ABCB5: variants seen among roughly 807,000 people sequenced by gnomAD.
ABCB5 encodes the protein ATP binding cassette subfamily B member 5.
In ABCB5, 155 loss-of-function variants were observed where a neutral mutation model predicts 144.2. The ratio of observed to expected loss-of-function variants is 1.08; its 90% CI spans 0.94 to 1.23. The LOEUF is 1.23. Ranked by LOEUF, ABCB5 falls within the 50% of genes most tolerant of loss-of-function variation. The pLI is 0.00. For missense variants in ABCB5, 1,830 were observed against 1,520.8 expected (o/e 1.20, Z -3.38); for synonymous variants, 610 against 528.6 (o/e 1.15, Z -2.11).
chr7:20,737,225 T>G (rs533130770), intron 23 of ABCB5, among the ~76,000 whole-genome samples: 1 of 151,566 alleles, frequency 6.6e-6, no homozygotes. Context: ...CACCTCAAAG[T>G]CCACACTTCC....
intron 12 of ABCB5, 67 bp from the exon 13 acceptor site, chr7:20,651,353 G>C: frequency 6.7e-7 from 1 of 1,503,290 alleles, no homozygotes; most frequent in Non-Finnish European, 9.2e-7. Context: ...TTTTGGTCTA[G>C]TATGAAAAAC....
At chr7:20,690,246 A>G (rs1786171156) in intron 16 of ABCB5, among the ~76,000 whole-genome samples, 1 of 152,260 alleles carries the variant, frequency 6.6e-6, no homozygotes, top group Admixed American at 6.5e-5. Flanking sequence ...CGGATACCAC[A>G]GAAATTTTAA....
intron 12 of ABCB5, among the ~76,000 whole-genome samples, chr7:20,650,410 A>G (rs1247207472): frequency 6.6e-6 from 1 of 152,220 alleles, no homozygotes; most frequent in Non-Finnish European, 1.5e-5. Flanking sequence ...TAATAATCAG[A>G]GGCAGACAAT....
At chr7:20,711,792 CTT>C (rs1491399667) in intron 20 of ABCB5, among the ~76,000 whole-genome samples, 488 of 36,894 alleles carry the variant, frequency 0.013, 51 homozygotes, top group African/African-American at 0.073. Flanking sequence ...TTCTTTCTTT[CTT>C]TCTTTCTTTC....
intron 16 of ABCB5, among the ~76,000 whole-genome samples, chr7:20,690,443 CA>C (rs1195380675): frequency 1.3e-5 from 2 of 152,162 alleles, no homozygotes; most frequent in African/African-American, 4.8e-5. Context: ...TATATTTACA[CA>C]TTTCTTCAGG....
At chr7:20,666,127 G>T (rs111241327) in intron 14 of ABCB5, among the ~76,000 whole-genome samples, 1,990 of 149,688 alleles carry the variant, frequency 0.013, 36 homozygotes, top group African/African-American at 0.045. Flanking sequence ...CCGAGAGCAC[G>T]CCATTGCACT....
chr7:20,698,303 A>G lies in ABCB5; in HGVS notation c.2011-104A>G, dbSNP rs1332797633. On this transcript the variant is annotated intron_variant, in intron 16 of 27. Transcript: ENST00000404938. ...AATATTTTCTACCCTGCTGTCTGTT[A>G]TGTTTGATGTTATACATTATAATTC... 7.2e-6 allele frequency: 7 copies of G among 965,950 alleles called. No homozygotes were observed. The African/African-American group carries it at 1.2e-4, about 16-fold the overall frequency. The allele number at this position is 965,950 out of a possible 1,614,324, so 59.8% of individuals were successfully genotyped here.
rs1401792232 is a variant in ABCB5, at chr7:20,615,723, G to A, written c.-136G>A. On this transcript the variant is annotated 5_prime_UTR_variant, in exon 1 of 28. Transcript: ENST00000404938. ...AGGCTGGAAATTCTGGCAAAAAATT[G>A]ATACCTTGTATCTGAAAGCTTTATC... is the stretch of plus-strand genomic sequence containing the variant. 1 of 151,966 alleles carries A rather than the reference G, an allele frequency of 6.6e-6. No individual in the cohort carries two copies. The highest frequency in any genetic ancestry group is 6.6e-5 in the Admixed American group (1 of 15,244). 9.4% of individuals were successfully genotyped at this position (151,966 alleles called of 1,614,324 possible). A position where few individuals can be genotyped will look rare whatever the true frequency, so the allele number is the denominator to read the frequency against.
chr7:20,675,911 G>A (rs1002775228), intron 14 of ABCB5, among the ~76,000 whole-genome samples: 5 of 151,980 alleles, frequency 3.3e-5, no homozygotes, highest in African/African-American at 9.7e-5. Flanking sequence ...CAACAAGTAC[G>A]TGAAAAGATT....
At chr7:20,653,588 T>A (rs1322593671) in intron 13 of ABCB5, among the ~76,000 whole-genome samples, 3 of 152,208 alleles carry the variant, frequency 2.0e-5, no homozygotes, top group African/African-American at 7.2e-5. Flanking sequence ...AAAGACTGAT[T>A]CCTAACAGAG....
At chr7:20,633,087 A>C (rs1297706812) in intron 5 of ABCB5, among the ~76,000 whole-genome samples, 2 of 151,932 alleles carry the variant, frequency 1.3e-5, no homozygotes, top group African/African-American at 4.8e-5. Flanking sequence ...AGTAAAAATA[A>C]TAAAATACTT....
chr7:20,624,265 C>G (rs1264076924), intron 2 of ABCB5, among the ~76,000 whole-genome samples: 2 of 152,210 alleles, frequency 1.3e-5, no homozygotes, highest in Non-Finnish European at 2.9e-5. Context: ...CCACAGGAAG[C>G]ATTGTAACTG....
chr7:20,636,883 T>C (rs1363790027), intron 5 of ABCB5, among the ~76,000 whole-genome samples: 3 of 152,094 alleles, frequency 2.0e-5, no homozygotes, highest in Non-Finnish European at 4.4e-5. Flanking sequence ...TTAATATTTT[T>C]GAAATATTTG....
At chr7:20,659,319 A>G in intron 14 of ABCB5, 1 of 1,407,286 alleles carries the variant, frequency 7.1e-7, no homozygotes, top group African/African-American at 1.4e-5. Context: ...ACTCCCTTAT[A>G]AACCAGAGCC....
At chr7:20,701,336 G>C (rs1786620465) in intron 19 of ABCB5, among the ~76,000 whole-genome samples, 1 of 152,068 alleles carries the variant, frequency 6.6e-6, no homozygotes, top group Non-Finnish European at 1.5e-5. Flanking sequence ...GACTATTTCT[G>C]CTCATTTTTG....
intron 1 of ABCB5, among the ~76,000 whole-genome samples, chr7:20,617,101 A>G (rs1342576486): frequency 6.6e-6 from 1 of 152,068 alleles, no homozygotes; most frequent in Non-Finnish European, 1.5e-5. Flanking sequence ...ACCACTCTCT[A>G]ATTTTCCTTA....
At chr7:20,744,478 C>T (rs887009800) in intron 25 of ABCB5, among the ~76,000 whole-genome samples, 17 of 152,126 alleles carry the variant, frequency 1.1e-4, no homozygotes, top group African/African-American at 4.1e-4. Flanking sequence ...CCTTCTCATG[C>T]CTCTCCATAC....
intron 16 of ABCB5, among the ~76,000 whole-genome samples, chr7:20,698,048 C>T (rs900011825): frequency 9.2e-5 from 14 of 152,064 alleles, no homozygotes; most frequent in Non-Finnish European, 1.8e-4. Flanking sequence ...TTTTTCTTAT[C>T]CTGTAGTACA....
At chr7:20,655,624 G>C (rs1319147606) in intron 13 of ABCB5, among the ~76,000 whole-genome samples, 1 of 152,164 alleles carries the variant, frequency 6.6e-6, no homozygotes, top group Non-Finnish European at 1.5e-5. Flanking sequence ...AAGTCTTCTA[G>C]TAAAAACTAT....
Sources: gnomAD v4.1 joint callset for allele counts (sites outside exome capture counted in the v4.1 genomes callset) on GRCh38, gnomAD v4.1.1 for gene constraint, MANE v1.5 for transcripts, NCBI Gene and HGNC (gene_info 2026-07-23, HGNC 2026-07-21) for gene names.